The following PCNX2 variants were observed in gnomAD, a reference collection of about 807,000 sequenced individuals.
PCNX2 encodes the protein pecanex 2.
PCNX2 carries 168 observed loss-of-function variants against 223.8 expected under a neutral mutation model. That is an observed-to-expected ratio of 0.75 (90% CI 0.66 to 0.85). The LOEUF is 0.85. PCNX2 is among the 40% of genes least tolerant of loss of function. The pLI is 0.00. For missense variants in PCNX2, 2,507 were observed against 2,675.5 expected (o/e 0.94, Z 1.39); for synonymous variants, 1,006 against 1,052.6 (o/e 0.96, Z 0.86).
chr1:233,259,806 G>A (rs567772120), intron 4 of PCNX2: 16 of 874,602 alleles, frequency 1.8e-5, no homozygotes, highest in African/African-American at 9.1e-5. Flanking sequence ...TCTTATTTAC[G>A]GCTGCATTGA....
chr1:233,048,996 T>C (rs1264217459), intron 25 of PCNX2, among the ~76,000 whole-genome samples: 4 of 152,170 alleles, frequency 2.6e-5, no homozygotes, highest in African/African-American at 9.7e-5. Flanking sequence ...TATTGAGTTC[T>C]GAAATTGAAT....
chr1:233,084,668 C>T (rs192316475), intron 23 of PCNX2, among the ~76,000 whole-genome samples: 51 of 152,224 alleles, frequency 3.4e-4, no homozygotes, highest in African/African-American at 1.2e-3. Flanking sequence ...GATAACTGGG[C>T]ACATGTATCA....
intron 16 of PCNX2, 73 bp from the exon 17 acceptor site, chr1:233,177,971 T>C: frequency 5.2e-6 from 6 of 1,160,374 alleles, no homozygotes; most frequent in Non-Finnish European, 7.6e-6. Flanking sequence ...AACTTCACCT[T>C]AGATCTCACA....
intron 21 of PCNX2, chr1:233,125,834 G>A (rs1338687907): frequency 6.6e-6 from 1 of 152,194 alleles, no homozygotes; most frequent in African/African-American, 2.4e-5. Flanking sequence ...CAACAGATGG[G>A]GGAGAAGGAG....
Position 233,054,383 on chromosome 1 carries a change from G to A in PCNX2, c.4236C>T (p.Asn1412=). 6.2e-7 allele frequency: 1 copy of A among 1,613,900 alleles called. No individual in the cohort carries two copies. Among genetic ancestry groups the A allele is most frequent in the Non-Finnish European group, 8.5e-7 (1 of 1,179,834 alleles). ...CGDLVLGRWG[N]YSSGDCFILA... is the part of the protein sequence containing the mutation. ...AAATAAAGCAATCGCCAGAGCTGTA[G>A]TTGCCCCAACGTCCAAGAACTAAGT... The change falls in exon 25 of 34, where the codon AAC becomes AAT. Residue 1412 remains asparagine (N), a synonymous_variant. Transcript: ENST00000258229.
At chr1:233,318,398 A>G in the PCNX2 span, among the ~76,000 whole-genome samples, 2 of 151,836 alleles carry the variant, frequency 1.3e-5, no homozygotes, top group Non-Finnish European at 2.9e-5. Flanking sequence ...CTTTCTATTC[A>G]TATTTCCTTT....
chr1:233,231,750 T>C, intron 9 of PCNX2: 1 of 784,808 alleles, frequency 1.3e-6, no homozygotes, highest in Admixed American at 6.2e-5. Context: ...GCAGGGTTGG[T>C]AGGGACTCTG....
chr1:233,218,596 G>A (rs1657171346), intron 10 of PCNX2, among the ~76,000 whole-genome samples: 1 of 152,060 alleles, frequency 6.6e-6, no homozygotes, highest in South Asian at 2.1e-4. Context: ...CCAAAAAAAT[G>A]AACCATGACA....
chr1:233,127,526 T>C (rs1424320331), intron 21 of PCNX2, among the ~76,000 whole-genome samples: 1 of 152,094 alleles, frequency 6.6e-6, no homozygotes, highest in Non-Finnish European at 1.5e-5. Flanking sequence ...ACCTCCCTTA[T>C]CATCCTTTCT....
intron 10 of PCNX2, among the ~76,000 whole-genome samples, chr1:233,220,068 A>C (rs1240243000): frequency 3.3e-5 from 5 of 152,068 alleles, no homozygotes; most frequent in Non-Finnish European, 7.4e-5. Context: ...TCCTTTCTTT[A>C]AGTACTATGC....
chr1:233,123,840 T>C (rs773709612), intron 21 of PCNX2, among the ~76,000 whole-genome samples: 5 of 152,088 alleles, frequency 3.3e-5, no homozygotes, highest in Non-Finnish European at 5.9e-5. Flanking sequence ...CCCTAGAAAA[T>C]GTATCATGGG....
chr1:233,158,817 T>G (rs1046086180), intron 19 of PCNX2, among the ~76,000 whole-genome samples: 7 of 152,116 alleles, frequency 4.6e-5, no homozygotes, highest in African/African-American at 1.4e-4. Flanking sequence ...TTCTAGAGGT[T>G]TTTGAATGAA....
intron 25 of PCNX2, among the ~76,000 whole-genome samples, chr1:233,043,066 C>T (rs565923723): frequency 2.4e-4 from 37 of 152,314 alleles, no homozygotes; most frequent in African/African-American, 7.5e-4. Flanking sequence ...CTCCCTCCAA[C>T]GCCTTCTGCT....
At position 233,204,070 on chromosome 1, in the gene PCNX2, T is replaced by C. The variant is rs142062188; in HGVS notation, c.2864-3806A>G. ...TGTTGAAGTTCTAACTCCCAGTAAC[T>C]CTAAATGTGACCTTGTTTGGAAATA... On this transcript the variant is annotated intron_variant, in intron 13 of 33. Coordinates refer to ENST00000258229, the MANE Select transcript of PCNX2 (RefSeq NM_014801.4). 2.8e-3 allele frequency among the ~76,000 whole-genome samples: 424 copies of C among 152,318 alleles called. 1 individual carries two copies. Among genetic ancestry groups the C allele is most frequent in the African/African-American group, 9.7e-3 (404 of 41,572 alleles).
In PCNX2 at chr1:233,074,322, C is replaced by T. The variant is rs182787890; in HGVS notation, c.4076+15739G>A. On this transcript the variant is annotated intron_variant, in intron 23 of 33. Coordinates refer to ENST00000258229, the MANE Select transcript of PCNX2 (RefSeq NM_014801.4). ...TTTGTTAAGAGGACGAGGCCGGGCG[C>T]GGTGGCTCACGCCTGTAATCCCAGC... 1.5e-3 allele frequency among the ~76,000 whole-genome samples: 224 copies of T among 152,226 alleles called. 1 individual carries two copies. Among genetic ancestry groups the T allele is most frequent in the East Asian group, 6.6e-3 (34 of 5,184 alleles).
chr1:233,137,321 C>T (rs1393685509), intron 20 of PCNX2, among the ~76,000 whole-genome samples: 2 of 152,134 alleles, frequency 1.3e-5, no homozygotes, highest in Non-Finnish European at 2.9e-5. Flanking sequence ...TGAGTGTGTT[C>T]TGCGATGGGA....
intron 23 of PCNX2, among the ~76,000 whole-genome samples, chr1:233,070,137 C>T (rs1304698507): frequency 1.3e-5 from 2 of 152,036 alleles, no homozygotes; most frequent in Non-Finnish European, 2.9e-5. Flanking sequence ...CTCAAAAAAA[C>T]CCACTAATTG....
intron 17 of PCNX2, among the ~76,000 whole-genome samples, chr1:233,162,663 A>G (rs1189789790): frequency 6.6e-6 from 1 of 152,200 alleles, no homozygotes; most frequent in East Asian, 1.9e-4. Flanking sequence ...CTATCATTCC[A>G]AATGTTTAAG....
At chr1:233,103,805 TG>T (rs1244318551) in intron 21 of PCNX2, among the ~76,000 whole-genome samples, 1 of 152,170 alleles carries the variant, frequency 6.6e-6, no homozygotes, top group Non-Finnish European at 1.5e-5. Context: ...CAGCCAGCAG[TG>T]GGATTGCTGG....
Sources: gnomAD v4.1 joint callset for allele counts (sites outside exome capture counted in the v4.1 genomes callset) on GRCh38, gnomAD v4.1.1 for gene constraint, MANE v1.5 for transcripts, NCBI Gene and HGNC (gene_info 2026-07-23, HGNC 2026-07-21) for gene names.